The following AMY2B variants were observed in gnomAD, a reference collection of about 807,000 sequenced individuals.
The protein encoded by AMY2B is amylase alpha 2B.
Under a neutral mutation model 59.3 loss-of-function variants are expected in AMY2B, and 63 were observed. That is an observed-to-expected ratio of 1.06 (90% CI 0.87 to 1.31). The LOEUF is 1.31. Among genes scored for constraint, AMY2B ranks in the 50% most tolerant of loss-of-function variants. The pLI is 0.00. For synonymous variants in AMY2B, 180 were observed against 198.1 expected (o/e 0.91, Z 0.77); for missense variants, 635 against 626.7 (o/e 1.01, Z -0.14).
rs756491725 is a variant in AMY2B at position 103,575,518 on chromosome 1, C to T, written c.1079C>T (p.Pro360Leu). ...FTRVMSSYRWPRQFQNGNDVN... is the reference protein window; with the variant it reads ...FTRVMSSYRWLRQFQNGNDVN... Reference sequence around the variant, plus strand: ...CGAGTAATGTCAAGCTACCGTTGGCCAAGACAGTTTCAAAATGGAAACGTA... The same window carrying T: ...CGAGTAATGTCAAGCTACCGTTGGCTAAGACAGTTTCAAAATGGAAACGTA... Residue 360 changes from proline to leucine, a missense_variant, in exon 7 of 10, where the codon CCA (proline) becomes CTA (leucine). Transcript: ENST00000684275. The T allele has an allele frequency of 1.2e-5, 20 of 1,613,640 alleles. No homozygotes were observed. The South Asian group carries it at 1.8e-4, about 14-fold the overall frequency.
At chr1:103,577,682 T>G in intron 8 of AMY2B, 38 bp from the exon 9 acceptor site, 4 of 1,611,910 alleles carry the variant, frequency 2.5e-6, no homozygotes, top group South Asian at 1.1e-5. Context: ...AGTTGAAGTT[T>G]AAGAATATCA....
chr1:103,571,355 G>T (rs2101071691), upstream of AMY2B: 6 of 1,029,022 alleles, frequency 5.8e-6, no homozygotes, highest in South Asian at 1.8e-5. Flanking sequence ...ATATCATTGT[G>T]TATGGAAAAA....
chr1:103,570,504 C>T (rs754071685), upstream of AMY2B: 192 of 640,272 alleles, frequency 3.0e-4, 2 homozygotes, highest in African/African-American at 2.2e-3. Context: ...GATCACCACC[C>T]GGGCACCTAG....
intron 1 of AMY2B, among the ~76,000 whole-genome samples, chr1:103,558,270 TC>T (rs2101059657): frequency 6.6e-6 from 1 of 152,332 alleles, no homozygotes; most frequent in East Asian, 1.9e-4. Flanking sequence ...CCTTTGTTGA[TC>T]CTAGTTGAAC....
intron 3 of AMY2B, 100 bp downstream of exon 3, chr1:103,573,360 C>A (rs1652214581): frequency 1.9e-6 from 3 of 1,572,764 alleles, no homozygotes; most frequent in South Asian, 2.4e-5. Context: ...GAATTTAGAT[C>A]TCTTAGGGAC....
chr1:103,561,068 A>T (rs1651717831), intron 1 of AMY2B, among the ~76,000 whole-genome samples: 1 of 152,176 alleles, frequency 6.6e-6, no homozygotes, highest in Non-Finnish European at 1.5e-5. Context: ...TAAAAGTGAT[A>T]ATGCATAGAA....
intron 7 of AMY2B, chr1:103,575,884 C>G: frequency 5.1e-6 from 1 of 197,700 alleles, no homozygotes; most frequent in Admixed American, 5.5e-5. Context: ...CATGCCAACA[C>G]TTTTAGAGAA....
intron 7 of AMY2B, 67 bp downstream of exon 7, chr1:103,575,607 A>G: frequency 6.3e-7 from 1 of 1,588,566 alleles, no homozygotes; most frequent in Non-Finnish European, 8.6e-7. Flanking sequence ...TTCTAACTTA[A>G]TATGACAACT....
upstream of AMY2B, chr1:103,571,194 T>G: frequency 3.8e-6 from 3 of 797,916 alleles, no homozygotes; most frequent in Non-Finnish European, 4.8e-6. Context: ...GTTACTCGCC[T>G]TGAGTTGGAA....
At chr1:103,566,093 C>G (rs1031047885) in intron 2 of AMY2B, among the ~76,000 whole-genome samples, 2 of 152,074 alleles carry the variant, frequency 1.3e-5, no homozygotes, top group Non-Finnish European at 2.9e-5. Flanking sequence ...TGCCATTTTC[C>G]TTGCTCTTCT....
chr1:103,567,046 A>T (rs1362742811), upstream of AMY2B, among the ~76,000 whole-genome samples: 1 of 152,200 alleles, frequency 6.6e-6, no homozygotes, highest in Non-Finnish European at 1.5e-5. Flanking sequence ...TAAATTGTTA[A>T]TTATAATATA....
chr1:103,562,563 G>A (rs1195933283), intron 1 of AMY2B, among the ~76,000 whole-genome samples: 1 of 151,820 alleles, frequency 6.6e-6, no homozygotes, highest in Non-Finnish European at 1.5e-5. Context: ...TCATAAATGT[G>A]ACATTAAGGT....
chr1:103,572,042 T>C, intron 1 of AMY2B, 68 bp from the exon 2 acceptor site: 1 of 1,599,480 alleles, frequency 6.3e-7, no homozygotes, highest in Non-Finnish European at 8.5e-7. Flanking sequence ...ATATTATTGA[T>C]TAGTTTCTAG....
intron 2 of AMY2B, among the ~76,000 whole-genome samples, chr1:103,572,630 G>A (rs568033807): frequency 2.6e-5 from 4 of 152,256 alleles, no homozygotes; most frequent in African/African-American, 9.6e-5. Context: ...TTTTCGTGGT[G>A]ACTAGCTAGC....
upstream of AMY2B, chr1:103,570,943 A>G (rs1652105783): frequency 8.6e-6 from 3 of 347,552 alleles, no homozygotes; most frequent in Non-Finnish European, 1.1e-5. Context: ...TGGTCACTTC[A>G]TGGCTAAAAA....
chr1:103,571,516 A>C (rs527772873), upstream of AMY2B: 64 of 1,580,160 alleles, frequency 4.1e-5, 1 homozygote, highest in Middle Eastern at 4.6e-4. Flanking sequence ...TCAAGTATTT[A>C]TTCATGCTAA....
intron 1 of AMY2B, among the ~76,000 whole-genome samples, chr1:103,564,391 C>G (rs770738437): frequency 6.6e-6 from 1 of 152,012 alleles, no homozygotes; most frequent in African/African-American, 2.4e-5. Context: ...TCTAGTCAGT[C>G]TTCTATTTAA....
intron 5 of AMY2B, 63 bp downstream of exon 5, chr1:103,574,456 G>T (rs965205137): frequency 6.2e-7 from 1 of 1,605,178 alleles, no homozygotes; most frequent in African/African-American, 1.3e-5. Context: ...GTACCCCAGT[G>T]TGAGTTATCT....
chr1:103,571,852 G>C, intron 1 of AMY2B, 82 bp downstream of exon 1: 1 of 1,610,648 alleles, frequency 6.2e-7, no homozygotes, highest in Non-Finnish European at 8.5e-7. Context: ...TGAAGCTTAG[G>C]CAACATTTTA....
Sources: gnomAD v4.1 joint callset for allele counts (sites outside exome capture counted in the v4.1 genomes callset) on GRCh38, gnomAD v4.1.1 for gene constraint, MANE v1.5 for transcripts, NCBI Gene and HGNC (gene_info 2026-07-23, HGNC 2026-07-21) for gene names.